Variants in WWP1 observed in about 807,000 individuals in gnomAD.
The protein encoded by WWP1 is WW domain containing E3 ubiquitin protein ligase 1.
A neutral mutation model predicts 130.6 loss-of-function variants in WWP1; 49 were observed. The observed-to-expected ratio is 0.38, with a 90% CI of 0.30 to 0.48. The LOEUF (loss-of-function observed/expected upper bound fraction) is 0.48, where lower values mean the gene tolerates loss of function less well. WWP1 is among the 20% of genes least tolerant of loss of function. The probability of loss-of-function intolerance (pLI) is 0.99; values close to 1 mark genes in which losing one functional copy is unlikely to be tolerated. For missense variants in WWP1, 809 were observed against 1,100.6 expected (o/e 0.74, Z 3.75); for synonymous variants, 332 against 367.8 (o/e 0.90, Z 1.11).
At chr8:86,396,127 C>G (rs2130471077) in intron 5 of WWP1, among the ~76,000 whole-genome samples, 1 of 150,710 alleles carries the variant, frequency 6.6e-6, no homozygotes. Flanking sequence ...GAGATGGAGT[C>G]TTGGTCTGTC....
chr8:86,371,772 A>G (rs1337168023), intron 2 of WWP1, among the ~76,000 whole-genome samples: 1 of 152,038 alleles, frequency 6.6e-6, no homozygotes, highest in Non-Finnish European at 1.5e-5. Context: ...AGTTTCTGGC[A>G]TATCTTTTCA....
intron 1 of WWP1, among the ~76,000 whole-genome samples, chr8:86,355,717 T>C (rs1823214837): frequency 1.3e-5 from 2 of 152,216 alleles, no homozygotes; most frequent in African/African-American, 2.4e-5. Flanking sequence ...TTTTTACGAT[T>C]AATTGTTCTT....
At chr8:86,408,333 T>G (rs1808396315) in intron 8 of WWP1, among the ~76,000 whole-genome samples, 1 of 152,234 alleles carries the variant, frequency 6.6e-6, no homozygotes, top group African/African-American at 2.4e-5. Context: ...GTGCAGGCTC[T>G]TACGTGAATA....
intron 1 of WWP1, among the ~76,000 whole-genome samples, chr8:86,363,825 T>C (rs1823809795): frequency 6.6e-6 from 1 of 151,192 alleles, no homozygotes; most frequent in African/African-American, 2.4e-5. Flanking sequence ...GAAATTTGTC[T>C]GTGGTCTTGC....
chr8:86,454,807 G>A (rs1223773618), intron 21 of WWP1, among the ~76,000 whole-genome samples: 3 of 152,006 alleles, frequency 2.0e-5, no homozygotes, highest in Non-Finnish European at 4.4e-5. Context: ...TATGTGGGAA[G>A]GCCATATGAT....
intron 9 of WWP1, among the ~76,000 whole-genome samples, chr8:86,423,818 C>T (rs1476041124): frequency 6.9e-6 from 1 of 144,714 alleles, no homozygotes; most frequent in Admixed American, 6.8e-5. Context: ...GGCGCCCCCC[C>T]CCCACCTCCC....
At chr8:86,430,470 A>G (rs894121833) in intron 11 of WWP1, among the ~76,000 whole-genome samples, 17 of 151,946 alleles carry the variant, frequency 1.1e-4, no homozygotes, top group African/African-American at 4.1e-4. Flanking sequence ...TTTTTTTTAT[A>G]GAGACAGGAT....
chr8:86,365,323 A>G (rs1823910137), intron 1 of WWP1, among the ~76,000 whole-genome samples: 1 of 152,224 alleles, frequency 6.6e-6, no homozygotes, highest in Non-Finnish European at 1.5e-5. Flanking sequence ...TTGACTAAAA[A>G]TACAGAAAGA....
At chr8:86,413,840 G>A (rs76926611) in intron 9 of WWP1, among the ~76,000 whole-genome samples, 111 of 152,300 alleles carry the variant, frequency 7.3e-4, no homozygotes, top group African/African-American at 2.6e-3. Context: ...GTAAAGCAGG[G>A]GAGTGGCATA....
chr8:86,448,417 T>C lies in WWP1; in HGVS notation c.2177T>C (p.Val726Ala). 6.2e-7 allele frequency: 1 copy of C among 1,613,690 alleles called. No homozygotes were observed. Among genetic ancestry groups the C allele is most frequent in the Non-Finnish European group, 8.5e-7 (1 of 1,179,876 alleles). The stretch of plus-strand genomic sequence containing the variant: ...TGTGGCTTAGAAATGTACTTTTCTG[T>C]TGACATGGAGATTTTGGGAAAAGTT... ...EECGLEMYFSVDMEILGKVTS... is the reference protein window; with the variant it reads ...EECGLEMYFSADMEILGKVTS... The change falls in exon 20 of 25, where the codon GTT becomes GCT. Residue 726 changes from valine to alanine, a missense_variant. Val to Ala is a moderately conservative substitution (Grantham distance 64). Around this residue, in one of 3 missense-constraint regions of WWP1, gnomAD observed 450 missense variants for 674.2 expected, o/e 0.67. Coordinates refer to ENST00000517970, the MANE Select transcript of WWP1 (RefSeq NM_007013.4).
At chr8:86,402,432 C>T (rs931202681) in intron 8 of WWP1, among the ~76,000 whole-genome samples, 6 of 151,672 alleles carry the variant, frequency 4.0e-5, no homozygotes, top group Admixed American at 2.0e-4. Flanking sequence ...ATTACAGGCA[C>T]CCACCACCAC....
chr8:86,352,910 A>C (rs1323705023), intron 1 of WWP1, among the ~76,000 whole-genome samples: 14 of 152,238 alleles, frequency 9.2e-5, no homozygotes, highest in Admixed American at 9.2e-4. Context: ...CAAAAGCAGA[A>C]ATTATTTTGA....
In WWP1 at chr8:86,398,498, T is replaced by G; in HGVS notation, c.472+19T>G. The G allele has an allele frequency of 1.2e-6, 2 of 1,608,892 alleles. No homozygotes were observed. The highest frequency in any genetic ancestry group is 1.7e-6 in the Non-Finnish European group (2 of 1,178,280). ...CCAACCAGTAAGCTAACTTTATATG[T>G]TTGTAAAATTTCAAGGAAAAAGAAT... On this transcript the variant is annotated intron_variant, in intron 6 of 24. Transcript: ENST00000517970.
intron 24 of WWP1, among the ~76,000 whole-genome samples, chr8:86,466,475 T>C (rs1485811064): frequency 6.6e-6 from 1 of 152,060 alleles, no homozygotes; most frequent in Non-Finnish European, 1.5e-5. Context: ...AATGGACTCT[T>C]ATCCTAAGAG....
At chr8:86,407,164 C>T (rs549314498) in intron 8 of WWP1, among the ~76,000 whole-genome samples, 1 of 152,202 alleles carries the variant, frequency 6.6e-6, no homozygotes, top group Non-Finnish European at 1.5e-5. Flanking sequence ...GCTATCATAA[C>T]TATTACATAA....
At chr8:86,437,569 A>G (rs1161226071) in intron 16 of WWP1, among the ~76,000 whole-genome samples, 3 of 152,198 alleles carry the variant, frequency 2.0e-5, no homozygotes, top group Non-Finnish European at 4.4e-5. Context: ...AACCCAAAAT[A>G]GAACTATCCA....
chr8:86,434,532 A>G lies in WWP1; in HGVS notation c.1602-920A>G, dbSNP rs115173527. On this transcript the variant is annotated intron_variant, in intron 14 of 24. Coordinates refer to ENST00000517970, the MANE Select transcript of WWP1 (RefSeq NM_007013.4). ...TACTCCTTTTACCCTTTTGAAAATC[A>G]CAAAATGCTTCTCATATCACTCCTT... Among the ~76,000 whole-genome samples the G allele has an allele frequency of 5.0e-3, 762 of 152,312 alleles. 2 individuals are homozygous for G. The highest frequency in any genetic ancestry group is 0.017 in the African/African-American group (726 of 41,570).
At chr8:86,374,398 T>C (rs1293833484) in intron 3 of WWP1, among the ~76,000 whole-genome samples, 8 of 152,194 alleles carry the variant, frequency 5.3e-5, no homozygotes, top group Non-Finnish European at 1.2e-4. Context: ...CTTAAATGAT[T>C]AATAGGATGG....
chr8:86,345,716 G>C (rs192787432), intron 1 of WWP1, among the ~76,000 whole-genome samples: 421 of 152,012 alleles, frequency 2.8e-3, no homozygotes, highest in African/African-American at 9.6e-3. Flanking sequence ...GGGCCTACTG[G>C]GAGCTTTTTA....
Sources: gnomAD v4.1 joint callset for allele counts (sites outside exome capture counted in the v4.1 genomes callset) on GRCh38, gnomAD v4.1.1 for gene constraint, gnomAD v4.1.1 regional missense constraint, MANE v1.5 for transcripts, NCBI Gene and HGNC (gene_info 2026-07-23, HGNC 2026-07-21) for gene names.